The following SPATS2 variants were observed in gnomAD, a reference collection of about 807,000 sequenced individuals.
SPATS2 encodes spermatogenesis-associated serine-rich protein 2.
SPATS2 carries 38 observed loss-of-function variants against 63.7 expected under a neutral mutation model. The observed-to-expected ratio is 0.60, with a 90% CI of 0.46 to 0.78. SPATS2 has a LOEUF of 0.78. SPATS2 is among the 30% of genes least tolerant of loss of function. The probability of loss-of-function intolerance (pLI) is 0.00; values close to 1 mark genes in which losing one functional copy is unlikely to be tolerated. For missense variants in SPATS2, 588 were observed against 666.2 expected (o/e 0.88, Z 1.29); for synonymous variants, 207 against 232.9 (o/e 0.89, Z 1.01).
intron 3 of SPATS2, among the ~76,000 whole-genome samples, chr12:49,481,236 T>C (rs925568636): frequency 3.3e-5 from 5 of 152,106 alleles, no homozygotes; most frequent in African/African-American, 1.2e-4. Context: ...AGCGCGTGCC[T>C]GTAATCCCAG....
At chr12:49,525,088 TC>T (rs1947010535) in intron 13 of SPATS2, among the ~76,000 whole-genome samples, 192 bp downstream of exon 13, 1 of 152,260 alleles carries the variant, frequency 6.6e-6, no homozygotes. Context: ...AGTTTAGATT[TC>T]CTGTTGCCAA....
At chr12:49,487,288 C>T (rs772986467) in intron 4 of SPATS2, among the ~76,000 whole-genome samples, 3 of 152,006 alleles carry the variant, frequency 2.0e-5, no homozygotes, top group Admixed American at 6.6e-5. Context: ...GTCAGGAGTT[C>T]GAGACCATCC....
intron 2 of SPATS2, among the ~76,000 whole-genome samples, chr12:49,425,795 A>G (rs566160941): frequency 2.6e-5 from 4 of 151,518 alleles, no homozygotes; most frequent in African/African-American, 9.7e-5. Context: ...ATACCCAGCT[A>G]ATTTTTTTGT....
chr12:49,400,022 C>T (rs1048375018), intron 2 of SPATS2, among the ~76,000 whole-genome samples: 1 of 152,052 alleles, frequency 6.6e-6, no homozygotes, highest in Non-Finnish European at 1.5e-5. Context: ...GGCGACAGAG[C>T]GAGACTCCGT....
chr12:49,489,671 A>G, intron 5 of SPATS2, 98 bp downstream of exon 5: 1 of 964,452 alleles, frequency 1.0e-6, no homozygotes, highest in Non-Finnish European at 1.6e-6. Context: ...TTCATAGATG[A>G]TAGAGCAGAC....
intron 2 of SPATS2, among the ~76,000 whole-genome samples, chr12:49,372,304 C>CA (rs1410482069): frequency 1.3e-5 from 2 of 152,306 alleles, no homozygotes; most frequent in African/African-American, 4.8e-5. Flanking sequence ...CTCAGCCTCT[C>CA]AAAGTGCTGA....
chr12:49,430,107 T>G (rs1945157542), intron 2 of SPATS2, among the ~76,000 whole-genome samples: 2 of 146,006 alleles, frequency 1.4e-5, no homozygotes, highest in South Asian at 4.4e-4. Context: ...TTGTTTTTTT[T>G]TTTTTTTTTT....
chr12:49,476,872 G>A (rs578175108), intron 3 of SPATS2, among the ~76,000 whole-genome samples: 22 of 152,294 alleles, frequency 1.4e-4, no homozygotes, highest in African/African-American at 5.1e-4. Flanking sequence ...TTGGGAGGCC[G>A]AGGCGGGCGG....
At chr12:49,486,392 A>C in intron 4 of SPATS2, 8 of 302,374 alleles carry the variant, frequency 2.6e-5, no homozygotes, top group South Asian at 2.0e-4. Flanking sequence ...TTTTTAGTAG[A>C]GAGGGTGTCA....
At chr12:49,462,824 G>A (rs1046276811) in intron 3 of SPATS2, 4 of 259,364 alleles carry the variant, frequency 1.5e-5, no homozygotes, top group Admixed American at 5.3e-5. Context: ...ACATCCTGAC[G>A]TCCAGCTAGT....
intron 2 of SPATS2, among the ~76,000 whole-genome samples, chr12:49,381,012 T>G (rs930244270): frequency 6.6e-6 from 1 of 151,984 alleles, no homozygotes; most frequent in Non-Finnish European, 1.5e-5. Flanking sequence ...CAGCAACGTA[T>G]GAGGAGTCTG....
chr12:49,498,028 A>G (rs1946492550), intron 8 of SPATS2, among the ~76,000 whole-genome samples: 2 of 151,342 alleles, frequency 1.3e-5, no homozygotes, highest in African/African-American at 4.9e-5. Context: ...GGAATTATTT[A>G]TTACACATGA....
chr12:49,483,380 TG>T (rs1198817589), intron 3 of SPATS2, among the ~76,000 whole-genome samples: 1 of 152,098 alleles, frequency 6.6e-6, no homozygotes, highest in African/African-American at 2.4e-5. Flanking sequence ...AATAGTGCTT[TG>T]GTTCTATAAG....
At chr12:49,416,927 C>T (rs982655644) in intron 2 of SPATS2, among the ~76,000 whole-genome samples, 3 of 152,112 alleles carry the variant, frequency 2.0e-5, no homozygotes, top group African/African-American at 7.2e-5. Context: ...CACCAGACAC[C>T]CCACATATAT....
At chr12:49,516,711 A>G (rs997853444) in intron 10 of SPATS2, among the ~76,000 whole-genome samples, 1 of 76,400 alleles carries the variant, frequency 1.3e-5, no homozygotes, top group African/African-American at 1.3e-4. Context: ...TCTCAAAACT[A>G]AAAAAAAAAA....
At chr12:49,409,210 T>G (rs1013289777) in intron 2 of SPATS2, among the ~76,000 whole-genome samples, 6 of 152,210 alleles carry the variant, frequency 3.9e-5, no homozygotes, top group Non-Finnish European at 2.9e-5. Flanking sequence ...TATCCAAATC[T>G]TATCTTTTTA....
chr12:49,468,950 A>G (rs1592429763), intron 3 of SPATS2, among the ~76,000 whole-genome samples: 1 of 152,312 alleles, frequency 6.6e-6, no homozygotes. Flanking sequence ...ACTTAATAAA[A>G]ATCTTTACAA....
intron 2 of SPATS2, among the ~76,000 whole-genome samples, chr12:49,446,801 A>G (rs754689690): frequency 2.6e-5 from 4 of 152,204 alleles, no homozygotes; most frequent in Non-Finnish European, 5.9e-5. Context: ...GTCCCTTCGT[A>G]GCAGTACATA....
intron 2 of SPATS2, among the ~76,000 whole-genome samples, chr12:49,377,115 G>A (rs1944121171): frequency 1.3e-5 from 2 of 152,080 alleles, no homozygotes; most frequent in African/African-American, 2.4e-5. Flanking sequence ...TTGTTGAAAT[G>A]TCTAATTTCT....
Sources: gnomAD v4.1 joint callset for allele counts (sites outside exome capture counted in the v4.1 genomes callset) on GRCh38, gnomAD v4.1.1 for gene constraint, MANE v1.5 for transcripts, NCBI Gene and HGNC (gene_info 2026-07-23, HGNC 2026-07-21) for gene names.